The following UNC80 variants were observed in gnomAD, a reference collection of about 807,000 sequenced individuals.
UNC80 encodes protein unc-80 homolog.
In UNC80, 164 loss-of-function variants were observed where a neutral mutation model predicts 384.6. That is an observed-to-expected ratio of 0.43 (90% CI 0.38 to 0.49). The LOEUF is 0.49. UNC80 is among the 20% of genes least tolerant of loss of function. The pLI, the probability that UNC80 is intolerant of heterozygous loss-of-function variation, is 0.00. For synonymous variants in UNC80, 1,486 were observed against 1,527.8 expected (o/e 0.97, Z 0.64); for missense variants, 3,330 against 4,143.0 (o/e 0.80, Z 5.39).
chr2:209,829,104 G>T, intron 14 of UNC80, 128 bp from the exon 15 acceptor site: 1 of 1,063,540 alleles, frequency 9.4e-7, no homozygotes, highest in Non-Finnish European at 1.3e-6. Flanking sequence ...GGCTAGCAGG[G>T]TTGCCTGTCA....
chr2:209,939,192 A>T (rs2091456436), intron 42 of UNC80, among the ~76,000 whole-genome samples: 1 of 152,108 alleles, frequency 6.6e-6, no homozygotes, highest in South Asian at 2.1e-4. Context: ...TATTGAACTA[A>T]TCTTGACAAT....
chr2:209,928,494 A>C (rs2124962304), intron 36 of UNC80, among the ~76,000 whole-genome samples: 1 of 152,230 alleles, frequency 6.6e-6, no homozygotes, highest in South Asian at 2.1e-4. Flanking sequence ...TTAAGCATGA[A>C]ACTGCCTTAC....
chr2:209,958,785 C>A (rs2092496713), intron 49 of UNC80, among the ~76,000 whole-genome samples: 1 of 152,150 alleles, frequency 6.6e-6, no homozygotes, highest in African/African-American at 2.4e-5. Flanking sequence ...TAAGACAGAG[C>A]ACATGGTATT....
chr2:209,929,829 C>A (rs1260250506), intron 36 of UNC80, 42 bp from the exon 37 acceptor site: 2 of 1,388,482 alleles, frequency 1.4e-6, no homozygotes, highest in Non-Finnish European at 1.9e-6. Flanking sequence ...ATAGACTTAA[C>A]TCCATTAAAG....
intron 47 of UNC80, among the ~76,000 whole-genome samples, chr2:209,952,178 A>G (rs754093869): frequency 6.6e-6 from 1 of 152,090 alleles, no homozygotes; most frequent in African/African-American, 2.4e-5. Context: ...TGTTTATATC[A>G]TCTGTTCCTT....
intron 47 of UNC80, among the ~76,000 whole-genome samples, chr2:209,947,707 T>A (rs903640772): frequency 6.6e-6 from 1 of 152,108 alleles, no homozygotes; most frequent in Non-Finnish European, 1.5e-5. Flanking sequence ...ACAGCAAGTC[T>A]CTGTTGTACT....
chr2:209,802,568 C>T (rs1486579173), intron 7 of UNC80, among the ~76,000 whole-genome samples: 1 of 152,170 alleles, frequency 6.6e-6, no homozygotes, highest in Admixed American at 6.5e-5. Context: ...ATTTAGTGCT[C>T]CCTCTTGAAG....
At chr2:209,866,493 CACA>C (rs2083798218) in intron 22 of UNC80, among the ~76,000 whole-genome samples, 2 of 97,098 alleles carry the variant, frequency 2.1e-5, no homozygotes, top group Admixed American at 1.1e-4. Flanking sequence ...TGCACCCCCA[CACA>C]CACACACACA....
Position 209,904,820 on chromosome 2 carries a change from G to C in UNC80, c.4637G>C (p.Cys1546Ser). The C allele has an allele frequency of 1.3e-6, 2 of 1,551,898 alleles. No homozygotes were observed. Among genetic ancestry groups the C allele is most frequent in the Non-Finnish European group, 1.7e-6 (2 of 1,147,030 alleles). ...TTCATCTGCACTCACGTTGACTACT[G>C]CCATCCCCACTGCTACCTGCACCAC... ...QSFICTHVDY[C>S]HPHCYLHHSR... Residue 1546 changes from cysteine to serine, a missense_variant, in exon 29 of 65, where the codon TGC becomes TCC. Coordinates refer to ENST00000673920, the MANE Select transcript of UNC80 (RefSeq NM_001371986.1).
chr2:209,935,569 A>C, intron 39 of UNC80, 145 bp from the exon 40 acceptor site: 1 of 344,494 alleles, frequency 2.9e-6, no homozygotes, highest in Non-Finnish European at 5.3e-6. Context: ...GTTAAAAATA[A>C]ATAAAATATA....
intron 27 of UNC80, 94 bp downstream of exon 27, chr2:209,894,460 A>G: frequency 1.5e-6 from 1 of 678,486 alleles, no homozygotes; most frequent in South Asian, 6.6e-5. Flanking sequence ...TTACACATAA[A>G]TAGATGGAGG....
chr2:209,830,016 C>G (rs2080839370), intron 15 of UNC80, among the ~76,000 whole-genome samples: 1 of 152,072 alleles, frequency 6.6e-6, no homozygotes, highest in Non-Finnish European at 1.5e-5. Context: ...TATAGTAAAC[C>G]AAAGACTGGC....
intron 39 of UNC80, 95 bp from the exon 40 acceptor site, chr2:209,935,619 A>G (rs1463793700): frequency 3.8e-6 from 2 of 521,460 alleles, no homozygotes; most frequent in Non-Finnish European, 6.4e-6. Context: ...AACAGTAAAA[A>G]CATCAGCTTA....
chr2:209,879,042 T>C (rs1160589602), intron 24 of UNC80, among the ~76,000 whole-genome samples: 1 of 152,182 alleles, frequency 6.6e-6, no homozygotes, highest in Admixed American at 6.5e-5. Context: ...CAAAGTTTTT[T>C]TTTTTTTGCA....
At chr2:209,993,664 T>A (rs2093433374) in intron 63 of UNC80, among the ~76,000 whole-genome samples, 1 of 152,138 alleles carries the variant, frequency 6.6e-6, no homozygotes, top group Admixed American at 6.5e-5. Context: ...AAACCACTAA[T>A]ACTGGGAAAT....
At chr2:209,865,532 G>T (rs1161061448) in intron 22 of UNC80, among the ~76,000 whole-genome samples, 2 of 151,464 alleles carry the variant, frequency 1.3e-5, no homozygotes, top group Admixed American at 1.3e-4. Context: ...AACCCGGGAG[G>T]CGGAGCTTGC....
intron 7 of UNC80, chr2:209,795,039 G>T (rs1281574519): frequency 9.0e-6 from 2 of 221,016 alleles, no homozygotes; most frequent in Non-Finnish European, 9.2e-6. Context: ...GAAGAAGACA[G>T]GGAAGTGTGG....
chr2:209,893,796 TC>T (rs985439353), intron 26 of UNC80, among the ~76,000 whole-genome samples: 1 of 152,178 alleles, frequency 6.6e-6, no homozygotes, highest in Non-Finnish European at 1.5e-5. Flanking sequence ...AGTCTGTAAG[TC>T]CCATTTCGAA....
At chr2:209,922,691 G>T (rs1166410100) in intron 35 of UNC80, among the ~76,000 whole-genome samples, 1 of 152,178 alleles carries the variant, frequency 6.6e-6, no homozygotes. Flanking sequence ...AACCAACTGG[G>T]AAGCTTAAAA....
Sources: allele counts gnomAD v4.1 joint callset (sites outside exome capture counted in the v4.1 genomes callset), GRCh38; gene constraint gnomAD v4.1.1; transcripts MANE v1.5; gene names NCBI Gene and HGNC (gene_info 2026-07-23, HGNC 2026-07-21).